The following ZNF500 variants were observed in gnomAD, a reference collection of about 807,000 sequenced individuals.
The protein encoded by ZNF500 is zinc finger protein with KRAB and SCAN domains 18.
ZNF500 carries 31 observed loss-of-function variants against 30.1 expected under a neutral mutation model. The observed-to-expected ratio is 1.03, with a 90% CI of 0.77 to 1.39. ZNF500 has a LOEUF of 1.39. Ranked by LOEUF, ZNF500 falls within the 40% of genes most tolerant of loss-of-function variation. The pLI is 0.00. For missense variants in ZNF500, 817 were observed against 657.8 expected (o/e 1.24, Z -2.65); for synonymous variants, 392 against 282.0 (o/e 1.39, Z -3.91).
Position 4,760,564 on chromosome 16 carries a change from C to T in ZNF500, c.688G>A (p.Ala230Thr). ...GGCTCCTCCCCAGAAAGGTATACAG[C>T]CACGTCCTCCAAGTTCACGGGCACC... Reference protein sequence around the residue: ...SQVPVNLEDVAVYLSGEEPRC... With the variant: ...SQVPVNLEDVTVYLSGEEPRC... Residue 230 changes from alanine to threonine, a missense_variant, in exon 5 of 6, where the codon GCT (alanine) becomes ACT (threonine). Coordinates refer to ENST00000219478, the MANE Select transcript of ZNF500 (RefSeq NM_021646.4). 1 of 1,613,542 alleles carries T rather than the reference C, an allele frequency of 6.2e-7. No homozygotes were observed. Among genetic ancestry groups the T allele is most frequent in the South Asian group, 1.1e-5 (1 of 90,912 alleles).
At chr16:4,764,434 G>T (rs984234461) in intron 2 of ZNF500, among the ~76,000 whole-genome samples, 5 of 151,972 alleles carry the variant, frequency 3.3e-5, no homozygotes, top group Admixed American at 1.3e-4. Context: ...GCTGAGGCAC[G>T]AGAATCACTC....
chr16:4,761,706 A>G (rs1348663638), intron 4 of ZNF500, among the ~76,000 whole-genome samples: 1 of 150,814 alleles, frequency 6.6e-6, no homozygotes. Context: ...AAAAAAAACA[A>G]CTAGCCGGGT....
In ZNF500 at chr16:4,752,889, G is replaced by T. The variant is rs900611660; in HGVS notation, c.930C>A (p.Gly310=). Residue 310 remains glycine, a synonymous_variant, in exon 6 of 6, where the codon GGC becomes GGA. Coordinates refer to ENST00000219478, the MANE Select transcript of ZNF500 (RefSeq NM_021646.4). The stretch of plus-strand genomic sequence containing the variant: ...GGGAAGCCCGTCTTCCTGGTGGGGG[G>T]CCGCCTCTTGGCTGATCAGGCCTGA... ...GLVRPDQPRG[G]PPPGRRASHG... 6 of 1,613,806 alleles carry T rather than the reference G, an allele frequency of 3.7e-6. No individual in the cohort carries two copies. In the African/African-American group the frequency reaches 5.3e-5, roughly 14 times the overall value.
At chr16:4,745,527 G>T (rs1401298132), downstream of ZNF500, among the ~76,000 whole-genome samples, 2 of 152,220 alleles carry the variant, frequency 1.3e-5, no homozygotes, top group Admixed American at 6.5e-5. Context: ...GTCCCGTAAG[G>T]CCCCTCTATA....
chr16:4,760,381 C>T lies in ZNF500; in HGVS notation c.760+111G>A, dbSNP rs573651361. ...GCAGGGATACGGGTAGCCCTGTCCA[C>T]GGAGGATCGCCCCAGGCCAACTGGA... On this transcript the variant is annotated intron_variant, in intron 5 of 5. Coordinates refer to ENST00000219478, the MANE Select transcript of ZNF500 (RefSeq NM_021646.4). 75 of 988,672 alleles carry T rather than the reference C, an allele frequency of 7.6e-5. 1 individual carries two copies. The South Asian group carries it at 7.8e-4, about 10-fold the overall frequency. 61.2% of individuals were successfully genotyped at this position (988,672 alleles called of 1,614,324 possible). A position where few individuals can be genotyped will look rare whatever the true frequency, so the allele number is the denominator to read the frequency against.
chr16:4,760,132 G>A (rs1341945174), intron 5 of ZNF500, among the ~76,000 whole-genome samples: 1 of 152,206 alleles, frequency 6.6e-6, no homozygotes, highest in East Asian at 1.9e-4. Context: ...CTTAGGGGAC[G>A]GTGCTGGGTA....
intron 2 of ZNF500, among the ~76,000 whole-genome samples, 194 bp downstream of exon 2, chr16:4,765,371 G>A (rs1328892996): frequency 6.6e-6 from 1 of 152,166 alleles, no homozygotes; most frequent in African/African-American, 2.4e-5. Context: ...AGGGCTATTG[G>A]GGTAGGATGA....
downstream of ZNF500, chr16:4,746,358 T>C: frequency 6.2e-7 from 1 of 1,606,530 alleles, no homozygotes; most frequent in South Asian, 1.1e-5. Context: ...CCACAACACC[T>C]GCTTTTCTCA....
downstream of ZNF500, among the ~76,000 whole-genome samples, chr16:4,748,019 G>GT (rs1293644749): frequency 2.0e-5 from 3 of 152,096 alleles, no homozygotes; most frequent in African/African-American, 4.8e-5. Context: ...TAAAAACCAA[G>GT]TAAAACGTAT....
downstream of ZNF500, chr16:4,746,952 G>A (rs1220920790): frequency 3.1e-6 from 4 of 1,276,338 alleles, 1 homozygote; most frequent in East Asian, 6.3e-5. Context: ...CTCTGACAGT[G>A]AGGAGGAGGA....
downstream of ZNF500, chr16:4,747,595 G>A: frequency 6.2e-7 from 1 of 1,610,128 alleles, no homozygotes; most frequent in African/African-American, 1.3e-5. Flanking sequence ...CAGCCAGGGA[G>A]GCCCTGATGC....
At chr16:4,759,915 T>C (rs929828642) in intron 5 of ZNF500, among the ~76,000 whole-genome samples, 2 of 152,200 alleles carry the variant, frequency 1.3e-5, no homozygotes, top group Non-Finnish European at 2.9e-5. Context: ...GGCGAGTACC[T>C]GTAATCCCAG....
In ZNF500 at chr16:4,765,623, T is replaced by C. The variant is rs761504339; in HGVS notation, c.356A>G (p.Glu119Gly). Residue 119 changes from glutamate (E) to glycine (G), a missense_variant, in exon 2 of 6, where the codon GAG (glutamate) becomes GGG (glycine). Glu to Gly is a moderately conservative substitution (Grantham distance 98). Transcript: ENST00000219478. ...RVREQQPESG[E>G]EAVVLVEGLQ... Reference sequence around the variant, plus strand: ...CCCTTCCACAAGGACCACGGCCTCCTCACCGCTCTCCGGCTGCTGCTCGCG... The same window carrying C: ...CCCTTCCACAAGGACCACGGCCTCCCCACCGCTCTCCGGCTGCTGCTCGCG... 6.2e-7 allele frequency: 1 copy of C among 1,613,370 alleles called. No individual in the cohort carries two copies. The highest frequency in any genetic ancestry group is 8.5e-7 in the Non-Finnish European group (1 of 1,179,822).
downstream of ZNF500, chr16:4,746,321 T>C: frequency 6.4e-7 from 1 of 1,555,022 alleles, no homozygotes; most frequent in Non-Finnish European, 8.8e-7. Flanking sequence ...CCAGCGCAGG[T>C]CACAGAGTTA....
intron 2 of ZNF500, among the ~76,000 whole-genome samples, chr16:4,764,945 T>C (rs1053620026): frequency 1.3e-5 from 2 of 152,100 alleles, no homozygotes; most frequent in African/African-American, 2.4e-5. Context: ...CCCAGTGTTC[T>C]CCCACTTTGG....
At chr16:4,755,387 G>A (rs942769853) in intron 5 of ZNF500, among the ~76,000 whole-genome samples, 8 of 152,098 alleles carry the variant, frequency 5.3e-5, no homozygotes, top group African/African-American at 1.4e-4. Context: ...TGTGATCTCC[G>A]CTCACTGTAA....
intron 2 of ZNF500, chr16:4,763,631 T>C (rs1596506403): frequency 2.0e-6 from 2 of 985,272 alleles, no homozygotes; most frequent in Non-Finnish European, 2.4e-6. Context: ...CGTAGTCCCC[T>C]TGGGGAGCAC....
In ZNF500 at chr16:4,765,654, G is replaced by A. The variant is rs772679117; in HGVS notation, c.325C>T (p.Arg109Trp). 25 of 1,613,484 alleles carry A rather than the reference G, an allele frequency of 1.5e-5. No homozygotes were observed. In the Admixed American group the frequency reaches 2.7e-4, roughly 17 times the overall value. ...CTCTCCGGCTGCTGCTCGCGTACCCGAGCCTGGATCTCCCCCGGCAGCACA... is the reference window on the plus strand; with the variant it reads ...CTCTCCGGCTGCTGCTCGCGTACCCAAGCCTGGATCTCCCCCGGCAGCACA... ...LTVLPGEIQA[R>W]VREQQPESGE... The change falls in exon 2 of 6, where the codon CGG becomes TGG. Residue 109 changes from arginine to tryptophan, a missense_variant. Transcript: ENST00000219478.
In ZNF500 at chr16:4,760,528, C is replaced by G. The variant is rs1488286595; in HGVS notation, c.724G>C (p.Asp242His). Residue 242 changes from aspartate to histidine, a missense_variant, in exon 5 of 6, where the codon GAC (aspartate) becomes CAC (histidine). Transcript: ENST00000219478. Reference sequence around the variant, plus strand: ...AGCGGCGCGTCCCGCTGAGCTGGGTCCATGCATCTTGGCTCCTCCCCAGAA... The same window carrying G: ...AGCGGCGCGTCCCGCTGAGCTGGGTGCATGCATCTTGGCTCCTCCCCAGAA... ...YLSGEEPRCMDPAQRDAPLEN... is the reference protein window; with the variant it reads ...YLSGEEPRCMHPAQRDAPLEN... 1 of 1,613,872 alleles carries G rather than the reference C, an allele frequency of 6.2e-7. No individual in the cohort carries two copies. Among genetic ancestry groups the G allele is most frequent in the East Asian group, 2.2e-5 (1 of 44,862 alleles).
Sources: gnomAD v4.1 joint callset for allele counts (sites outside exome capture counted in the v4.1 genomes callset) on GRCh38, gnomAD v4.1.1 for gene constraint, MANE v1.5 for transcripts, NCBI Gene and HGNC (gene_info 2026-07-23, HGNC 2026-07-21) for gene names.